Variants in RAB28 observed in about 807,000 individuals in gnomAD.
RAB28 encodes the protein ras-related protein Rab-28.
Under a neutral mutation model 31.7 loss-of-function variants are expected in RAB28, and 24 were observed. The ratio of observed to expected loss-of-function variants is 0.76; its 90% CI spans 0.55 to 1.06. The LOEUF (loss-of-function observed/expected upper bound fraction) is 1.06. Among genes scored for constraint, RAB28 ranks in the 50% least tolerant of loss-of-function variants. RAB28 has a pLI of 0.00. For missense variants in RAB28, 254 were observed against 258.5 expected (o/e 0.98, Z 0.12); for synonymous variants, 100 against 90.4 (o/e 1.11, Z -0.60).
intron 4 of RAB28, among the ~76,000 whole-genome samples, chr4:13,442,141 C>A (rs1254401551): frequency 6.6e-6 from 1 of 152,188 alleles, no homozygotes; most frequent in Non-Finnish European, 1.5e-5. Flanking sequence ...TCACGTTCAC[C>A]ATTTACAATT....
intron 6 of RAB28, chr4:13,370,671 G>T: frequency 1.0e-6 from 1 of 984,644 alleles, no homozygotes. Context: ...ACTTGTCCAA[G>T]ACTTCCTTAT....
chr4:13,464,840 C>CA (rs1488759802), intron 3 of RAB28, among the ~76,000 whole-genome samples: 1 of 152,054 alleles, frequency 6.6e-6, no homozygotes, highest in East Asian at 1.9e-4. Context: ...GAACAAGACT[C>CA]AGATATGAAA....
intron 4 of RAB28, among the ~76,000 whole-genome samples, chr4:13,398,835 C>CT (rs1026372501): frequency 1.3e-5 from 2 of 150,780 alleles, no homozygotes; most frequent in Non-Finnish European, 3.0e-5. Context: ...TTATTTAATT[C>CT]TTCTTTATAT....
At chr4:13,373,099 T>C (rs918313395) in intron 6 of RAB28, among the ~76,000 whole-genome samples, 1 of 152,114 alleles carries the variant, frequency 6.6e-6, no homozygotes, top group Non-Finnish European at 1.5e-5. Flanking sequence ...TAACACCAAG[T>C]AGATATGGCA....
chr4:13,382,693 A>ATTTT (rs35120402), intron 4 of RAB28, among the ~76,000 whole-genome samples: 3 of 73,910 alleles, frequency 4.1e-5, no homozygotes, highest in Non-Finnish European at 8.1e-5. Context: ...AAAATATGGA[A>ATTTT]TTTTTTTTTT....
intron 4 of RAB28, among the ~76,000 whole-genome samples, chr4:13,414,087 T>A (rs1377622575): frequency 3.3e-5 from 5 of 152,044 alleles, no homozygotes; most frequent in Admixed American, 3.3e-4. Flanking sequence ...CCAGAGCCCC[T>A]CCAAATGACA....
At chr4:13,464,697 T>A (rs1715759310) in intron 3 of RAB28, among the ~76,000 whole-genome samples, 1 of 152,082 alleles carries the variant, frequency 6.6e-6, no homozygotes. Flanking sequence ...AAACACTAAA[T>A]GCAGCACAGT....
At chr4:13,447,644 T>C (rs1714766729) in intron 4 of RAB28, among the ~76,000 whole-genome samples, 1 of 152,148 alleles carries the variant, frequency 6.6e-6, no homozygotes, top group Non-Finnish European at 1.5e-5. Flanking sequence ...GCCCCCAAAA[T>C]ACCCTTAAAG....
At chr4:13,425,699 T>C (rs1713441471) in intron 4 of RAB28, among the ~76,000 whole-genome samples, 2 of 152,172 alleles carry the variant, frequency 1.3e-5, no homozygotes, top group South Asian at 4.1e-4. Flanking sequence ...GTTCTTGGCT[T>C]TTCTAGGCCC....
chr4:13,442,344 CT>C (rs907536633), intron 4 of RAB28, among the ~76,000 whole-genome samples: 322 of 148,660 alleles, frequency 2.2e-3, no homozygotes, highest in African/African-American at 7.0e-3. Context: ...TATGCAGCAT[CT>C]TTTTTTTTTA....
At chr4:13,444,576 C>T (rs1189726844) in intron 4 of RAB28, among the ~76,000 whole-genome samples, 2 of 152,172 alleles carry the variant, frequency 1.3e-5, no homozygotes, top group Non-Finnish European at 2.9e-5. Context: ...TTTGAGGAAC[C>T]TCCACACTAT....
At chr4:13,428,618 T>C (rs1237402464) in intron 4 of RAB28, among the ~76,000 whole-genome samples, 1 of 152,020 alleles carries the variant, frequency 6.6e-6, no homozygotes, top group African/African-American at 2.4e-5. Flanking sequence ...GAGATTATAG[T>C]CTAAGGAACA....
At chr4:13,406,561 A>AT (rs1226510006) in intron 4 of RAB28, among the ~76,000 whole-genome samples, 3 of 152,234 alleles carry the variant, frequency 2.0e-5, no homozygotes, top group East Asian at 3.9e-4. Context: ...GTTCTAGACC[A>AT]TTGAGGAATC....
chr4:13,413,151 G>A (rs1181061910), intron 4 of RAB28, among the ~76,000 whole-genome samples: 2 of 152,048 alleles, frequency 1.3e-5, no homozygotes, highest in Admixed American at 6.6e-5. Context: ...TGTTTGAAAG[G>A]TATATGTTAT....
intron 4 of RAB28, among the ~76,000 whole-genome samples, chr4:13,420,300 G>A (rs1277062763): frequency 2.6e-5 from 4 of 152,028 alleles, no homozygotes; most frequent in Non-Finnish European, 2.9e-5. Flanking sequence ...AGGACCAGAC[G>A]GATTCACAGC....
intron 4 of RAB28, among the ~76,000 whole-genome samples, chr4:13,430,062 T>C (rs1713726931): frequency 6.6e-6 from 1 of 152,116 alleles, no homozygotes; most frequent in Non-Finnish European, 1.5e-5. Context: ...TTGACAAGAA[T>C]GTGAAGACCA....
intron 3 of RAB28, among the ~76,000 whole-genome samples, chr4:13,469,674 C>T (rs549786075): frequency 1.3e-5 from 2 of 152,036 alleles, no homozygotes; most frequent in African/African-American, 4.8e-5. Context: ...CAAATGGATA[C>T]CATTTTCAAG....
At chr4:13,455,242 A>G (rs1416890886) in intron 4 of RAB28, among the ~76,000 whole-genome samples, 1 of 152,068 alleles carries the variant, frequency 6.6e-6, no homozygotes, top group African/African-American at 2.4e-5. Flanking sequence ...ACACATAGCC[A>G]CTCTACCAGC....
chr4:13,438,562 A>G (rs1160852830), intron 4 of RAB28, among the ~76,000 whole-genome samples: 1 of 152,154 alleles, frequency 6.6e-6, no homozygotes, highest in African/African-American at 2.4e-5. Context: ...TCTTTTATTT[A>G]TAATAATCTT....
Sources: allele counts gnomAD v4.1 joint callset (sites outside exome capture counted in the v4.1 genomes callset), GRCh38; gene constraint gnomAD v4.1.1; transcripts MANE v1.5; gene names NCBI Gene and HGNC (gene_info 2026-07-23, HGNC 2026-07-21).